Variants in SDK1 observed in about 807,000 individuals in gnomAD.
SDK1 encodes protein sidekick-1.
Under a neutral mutation model 245.5 loss-of-function variants are expected in SDK1, and 157 were observed. That is an observed-to-expected ratio of 0.64 (90% CI 0.56 to 0.73). The LOEUF (loss-of-function observed/expected upper bound fraction) is 0.73, where lower values mean the gene tolerates loss of function less well. Among genes scored for constraint, SDK1 ranks in the 30% least tolerant of loss-of-function variants. The pLI is 0.00. For missense variants in SDK1, 3,583 were observed against 3,002.3 expected (o/e 1.19, Z -4.52); for synonymous variants, 1,647 against 1,278.5 (o/e 1.29, Z -6.15).
intron 5 of SDK1, among the ~76,000 whole-genome samples, chr7:3,892,510 A>G (rs1214713668): frequency 6.6e-6 from 1 of 152,182 alleles, no homozygotes; most frequent in African/African-American, 2.4e-5. Flanking sequence ...CCCAAGGTTA[A>G]TGGGGTGAGC....
At chr7:3,662,533 C>T (rs1783398168) in intron 4 of SDK1, among the ~76,000 whole-genome samples, 1 of 152,184 alleles carries the variant, frequency 6.6e-6, no homozygotes, top group South Asian at 2.1e-4. Context: ...CCCAGGCTGT[C>T]TTCCTGGAGG....
intron 2 of SDK1, among the ~76,000 whole-genome samples, chr7:3,622,474 C>G (rs1029337077): frequency 6.6e-6 from 1 of 152,096 alleles, no homozygotes; most frequent in African/African-American, 2.4e-5. Flanking sequence ...GAGTGAGACT[C>G]CATCTCCAAA....
At chr7:3,800,105 A>G (rs553283075) in intron 4 of SDK1, among the ~76,000 whole-genome samples, 75 of 152,248 alleles carry the variant, frequency 4.9e-4, no homozygotes, top group African/African-American at 1.5e-3. Context: ...TCAGTCTCCA[A>G]CGTTTCTGTT....
rs150997322 is a variant in SDK1 at position 3,959,231 on chromosome 7, A to G, written c.1234+217A>G. On this transcript the variant is annotated intron_variant, in intron 8 of 44. Transcript: ENST00000404826. ...TCCCCTGCGAAACAGAGATGATACTATTTACCCAGCAGAGCAAAAAGGAAG... is the reference window on the plus strand; with the variant it reads ...TCCCCTGCGAAACAGAGATGATACTGTTTACCCAGCAGAGCAAAAAGGAAG... Among the ~76,000 whole-genome samples, 1,042 of 152,256 alleles carry G rather than the reference A, an allele frequency of 6.8e-3. 9 individuals are homozygous for G. The highest frequency in any genetic ancestry group is 0.012 in the Non-Finnish European group (818 of 68,012).
intron 22 of SDK1, among the ~76,000 whole-genome samples, chr7:4,081,998 T>A (rs570590015): frequency 6.6e-6 from 1 of 152,312 alleles, no homozygotes; most frequent in African/African-American, 2.4e-5. Flanking sequence ...ACCAGACCCC[T>A]GCTTGGAGCA....
intron 1 of SDK1, among the ~76,000 whole-genome samples, chr7:3,488,095 T>C (rs954302922): frequency 3.3e-5 from 5 of 152,190 alleles, no homozygotes; most frequent in African/African-American, 1.2e-4. Context: ...TCAGTTCAAC[T>C]CTTGTGCAGA....
At chr7:3,652,268 T>C (rs1026667872) in intron 4 of SDK1, among the ~76,000 whole-genome samples, 6 of 152,172 alleles carry the variant, frequency 3.9e-5, no homozygotes, top group African/African-American at 9.7e-5. Flanking sequence ...CTATTATTTA[T>C]GTATTAATGG....
chr7:4,023,057 A>G (rs1374977343), intron 17 of SDK1, among the ~76,000 whole-genome samples: 1 of 152,108 alleles, frequency 6.6e-6, no homozygotes, highest in African/African-American at 2.4e-5. Context: ...TACAGGTGTG[A>G]GCCAACACGC....
At chr7:3,511,956 G>C (rs6962132) in intron 1 of SDK1, among the ~76,000 whole-genome samples, 8 of 149,590 alleles carry the variant, frequency 5.3e-5, no homozygotes, top group African/African-American at 2.0e-4. Flanking sequence ...TGATGAGCCT[G>C]TATTGACACC....
intron 40 of SDK1, among the ~76,000 whole-genome samples, chr7:4,224,173 C>T (rs1208987906): frequency 1.3e-5 from 2 of 152,204 alleles, no homozygotes; most frequent in East Asian, 3.8e-4. Context: ...TCTGTGACTC[C>T]GTTCTCACAT....
At chr7:4,208,393 G>A (rs920456629) in intron 37 of SDK1, 108 bp downstream of exon 37, 2 of 993,786 alleles carry the variant, frequency 2.0e-6, no homozygotes, top group Non-Finnish European at 3.0e-6. Flanking sequence ...CAGGCGGAAG[G>A]CAACACCTTT....
chr7:4,142,615 C>T (rs778099433), intron 28 of SDK1, among the ~76,000 whole-genome samples: 2 of 152,186 alleles, frequency 1.3e-5, no homozygotes, highest in Non-Finnish European at 2.9e-5. Flanking sequence ...CCATGAGCCA[C>T]TGTGCCCTGC....
At chr7:3,750,490 G>C (rs1779743029) in intron 4 of SDK1, among the ~76,000 whole-genome samples, 2 of 152,308 alleles carry the variant, frequency 1.3e-5, no homozygotes, top group South Asian at 4.2e-4. Context: ...ATAGGTATAG[G>C]AACAGCGGGA....
chr7:3,580,793 C>T (rs1321607638), intron 1 of SDK1, among the ~76,000 whole-genome samples: 2 of 151,734 alleles, frequency 1.3e-5, no homozygotes, highest in African/African-American at 4.8e-5. Context: ...ACCGTGAAAC[C>T]CCATTTCCAC....
intron 4 of SDK1, among the ~76,000 whole-genome samples, chr7:3,686,409 C>T (rs922134726): frequency 1.3e-5 from 2 of 152,138 alleles, no homozygotes; most frequent in Non-Finnish European, 2.9e-5. Context: ...AATGCAGGAG[C>T]GTCTGTATTA....
At chr7:3,685,812 TA>T (rs1297258112) in intron 4 of SDK1, among the ~76,000 whole-genome samples, 1 of 152,042 alleles carries the variant, frequency 6.6e-6, no homozygotes, top group African/African-American at 2.4e-5. Context: ...AACGGACTTC[TA>T]AAAAATACTC....
At position 4,256,915 on chromosome 7, in the gene SDK1, T is replaced by G. The variant is rs371993014; in HGVS notation, c.6382-8209T>G. Among the ~76,000 whole-genome samples, 23 of 152,364 alleles carry G rather than the reference T, an allele frequency of 1.5e-4. 1 individual carries two copies. The South Asian group carries it at 4.8e-3, about 32-fold the overall frequency. ...AGAACTATTGCTAAAGTGAAAATTC[T>G]GCAGATCCGTTCCCAGGTGCTCAGG... On this transcript the variant is annotated intron_variant, in intron 44 of 44. Transcript: ENST00000404826.
At chr7:3,880,193 T>G (rs1781172717) in intron 5 of SDK1, among the ~76,000 whole-genome samples, 1 of 152,232 alleles carries the variant, frequency 6.6e-6, no homozygotes, top group African/African-American at 2.4e-5. Flanking sequence ...GTTCTGCAAC[T>G]TCGGGATGGC....
intron 1 of SDK1, among the ~76,000 whole-genome samples, chr7:3,498,577 G>C (rs540983334): frequency 1.3e-5 from 2 of 152,196 alleles, no homozygotes; most frequent in African/African-American, 4.8e-5. Flanking sequence ...ACCATTGATA[G>C]CTATTACTTC....
Sources: gnomAD v4.1 joint callset for allele counts (sites outside exome capture counted in the v4.1 genomes callset) on GRCh38, gnomAD v4.1.1 for gene constraint, MANE v1.5 for transcripts, NCBI Gene and HGNC (gene_info 2026-07-23, HGNC 2026-07-21) for gene names.